YLPM1: variants seen among roughly 807,000 people sequenced by gnomAD.
YLPM1 encodes the protein YLP motif-containing protein 1.
In YLPM1, 99 loss-of-function variants were observed where a neutral mutation model predicts 230.0. The observed-to-expected ratio is 0.43, with a 90% confidence interval of 0.37 to 0.51. The LOEUF (loss-of-function observed/expected upper bound fraction) is 0.51, where lower values mean the gene tolerates loss of function less well. Ranked by LOEUF, YLPM1 falls within the 20% of genes least tolerant of loss-of-function variation. The pLI is 0.00. For missense variants in YLPM1, 2,592 were observed against 2,707.7 expected, an observed-to-expected ratio of 0.96 and a Z score of 0.95; for synonymous variants, 984 against 942.5, an observed-to-expected ratio of 1.04 and a Z score of -0.81.
In YLPM1 at chr14:74,829,269, G is replaced by A; in HGVS notation, c.6220G>A (p.Ala2074Thr). The change falls in exon 19 of 21, where the codon GCC becomes ACC. Residue 2074 changes from alanine (A) to threonine (T), a missense_variant. Physicochemically the swap from Ala to Thr is moderately conservative, Grantham distance 58. Coordinates refer to ENST00000325680, the MANE Select transcript of YLPM1 (RefSeq NM_019589.3). ...TKRKRDWEAI[A>T]SRMEDYLQLP... ...AAGGAAACGTGACTGGGAGGCCATT[G>A]CCAGCAGAATGGAGGATTATCTTCA... is the stretch of plus-strand genomic sequence containing the variant. The A allele has an allele frequency of 6.2e-7, 1 of 1,613,314 alleles. No individual in the cohort carries two copies. Among genetic ancestry groups the A allele is most frequent in the African/African-American group, 1.3e-5 (1 of 74,966 alleles).
At position 74,819,387 on chromosome 14, in the gene YLPM1, G is replaced by A. The variant is rs368891001; in HGVS notation, c.6030+1073G>A. ...CCTCCAGGGTTCAGGCGATTCTCCTGCCTCAGCCTCCTTATTAGCTGGAAC... is the reference window on the plus strand; with the variant it reads ...CCTCCAGGGTTCAGGCGATTCTCCTACCTCAGCCTCCTTATTAGCTGGAAC... On this transcript the variant is annotated intron_variant, in intron 16 of 20. Coordinates refer to ENST00000325680, the MANE Select transcript of YLPM1 (RefSeq NM_019589.3). Among the ~76,000 whole-genome samples, 10 of 149,926 alleles carry A rather than the reference G, an allele frequency of 6.7e-5. No homozygotes were observed. In the East Asian group the frequency reaches 9.9e-4, roughly 15 times the overall value.
At position 74,798,066 on chromosome 14, in the gene YLPM1, T is replaced by C; in HGVS notation, c.2769T>C (p.Asn923=). ...EVSEGPVEPS[N]WDQNVQSMET... is the part of the protein sequence containing the mutation. ...CGGAAGGGCCCGTAGAGCCCTCTAA[T>C]TGGGACCAGAATGTTCAAAGTATGG... Residue 923 remains asparagine, a synonymous_variant, in exon 5 of 21, where the codon AAT becomes AAC. Transcript: ENST00000325680. The C allele has an allele frequency of 6.2e-7, 1 of 1,613,842 alleles. No homozygotes were observed. The highest frequency in any genetic ancestry group is 1.3e-5 in the African/African-American group (1 of 74,972).
At position 74,778,441 on chromosome 14, in the gene YLPM1, T is replaced by G. The variant is rs1197285715; in HGVS notation, c.874-6T>G. 1 of 1,587,644 alleles carries G rather than the reference T, an allele frequency of 6.3e-7. No homozygotes were observed. Among genetic ancestry groups the G allele is most frequent in the Non-Finnish European group, 8.6e-7 (1 of 1,166,924 alleles). On this transcript the variant is annotated splice_region_variant and splice_polypyrimidine_tract_variant and intron_variant, in intron 1 of 20. Coordinates refer to ENST00000325680, the MANE Select transcript of YLPM1 (RefSeq NM_019589.3). ...TCAAAATTCTCAAAAATTGTTTCTG[T>G]TGTAGGAACAGCAGCAGTATTGGTA...
rs369218364 is a variant in YLPM1, at chr14:74,812,811, G to C, written c.5502+29G>C. On this transcript the variant is annotated intron_variant, in intron 11 of 20. Coordinates refer to ENST00000325680, the MANE Select transcript of YLPM1 (RefSeq NM_019589.3). ...AGTCCTATGAAGTTGATTCGTCTTC[G>C]TGCAAACCAGAAGATAAGAGATCTT... 47 of 1,600,060 alleles carry C rather than the reference G, an allele frequency of 2.9e-5. No homozygotes were observed. The South Asian group carries it at 5.2e-4, about 18-fold the overall frequency.
At position 74,764,134 on chromosome 14, in the gene YLPM1, A is replaced by G. The variant is rs12885527; in HGVS notation, c.645A>G (p.Gln215=). The G allele has an allele frequency of 0.076, 123,191 of 1,612,214 alleles. 5,585 individuals are homozygous for G. The highest frequency in any genetic ancestry group is 0.09 in the Non-Finnish European group (105,834 of 1,179,472). The change falls in exon 1 of 21, where the codon CAA becomes CAG. Residue 215 remains glutamine, a synonymous_variant. Transcript: ENST00000325680. ...ACTCATCCTCCTCCTCTTCCTCGCA[A>G]TCCTATTTGAGCCATTCCCAGTCCT... is the stretch of plus-strand genomic sequence containing the variant. The part of the protein sequence containing the change: ...PSYSSSSSSS[Q]SYLSHSQSYL...
At chr14:74,766,636 A>AT (rs34932979) in intron 1 of YLPM1, among the ~76,000 whole-genome samples, 43,067 of 110,312 alleles carry the variant, frequency 0.39, 9,455 homozygotes, top group East Asian at 0.56. Flanking sequence ...ATGCCTGGCT[A>AT]TTTTTTTTTT....
intron 4 of YLPM1, among the ~76,000 whole-genome samples, chr14:74,795,241 C>T (rs2091248493): frequency 6.6e-6 from 1 of 152,126 alleles, no homozygotes; most frequent in Admixed American, 6.5e-5. Context: ...TTTGGAACTT[C>T]AGAGTAAAGT....
In YLPM1 at chr14:74,810,266, C is replaced by G; in HGVS notation, c.5074C>G (p.Arg1692Gly). ...QRDRYDRERD[R>G]EPYFDRQSNV... ...TGATCGTTATGATAGAGAAAGAGAT[C>G]GTGAGCCTTATTTTGATCGTCAAAG... Residue 1692 changes from arginine (R) to glycine (G), a missense_variant, in exon 9 of 21, where the codon CGT (arginine) becomes GGT (glycine). Around this residue, in one of 4 missense-constraint regions of YLPM1, gnomAD observed 403 missense variants for 426.7 expected, o/e 0.94. Transcript: ENST00000325680. 1 of 1,613,638 alleles carries G rather than the reference C, an allele frequency of 6.2e-7. No individual in the cohort carries two copies. Among genetic ancestry groups the G allele is most frequent in the Non-Finnish European group, 8.5e-7 (1 of 1,179,824 alleles).
At chr14:74,821,029 T>C (rs2091516434) in intron 16 of YLPM1, 28 bp from the exon 17 acceptor site, 1 of 659,304 alleles carries the variant, frequency 1.5e-6, no homozygotes, top group Non-Finnish European at 2.1e-6. Flanking sequence ...AACTCAGTCT[T>C]TTTTTTTTTT....
At position 74,825,878 on chromosome 14, in the gene YLPM1, AG is replaced by A. The variant is rs903549269; in HGVS notation, c.6163+1574del. Among the ~76,000 whole-genome samples, 24 of 152,290 alleles carry A rather than the reference AG, an allele frequency of 1.6e-4. 1 individual carries two copies. The highest frequency in any genetic ancestry group is 1.6e-3 in the Admixed American group (24 of 15,282). On this transcript the variant is annotated intron_variant, in intron 18 of 20. Coordinates refer to ENST00000325680, the MANE Select transcript of YLPM1 (RefSeq NM_019589.3). ...TTTTCTTTCTGTTTTTAAAAGGAAA[AG>A]GGAATTTAGTTGTGATGATTATTCA...
rs754541654 is a variant in YLPM1 at position 74,763,510 on chromosome 14, G to C, written c.21G>C (p.Arg7=). The C allele has an allele frequency of 2.7e-6, 4 of 1,491,706 alleles. No homozygotes were observed. The African/African-American group carries it at 5.8e-5, about 22-fold the overall frequency. The allele number at this position is 1,491,706 out of a possible 1,614,324, so 92.4% of individuals were successfully genotyped here. Residue 7 remains arginine, a synonymous_variant, in exon 1 of 21, where the codon CGG becomes CGC. Coordinates refer to ENST00000325680, the MANE Select transcript of YLPM1 (RefSeq NM_019589.3). MYPNWG[R]YGGSSHYPPP... The stretch of plus-strand genomic sequence containing the variant: ...TCGATATGTACCCGAATTGGGGCCG[G>C]TATGGCGGGAGCAGCCACTATCCGC...
chr14:74,806,242 A>G (rs529986145), intron 6 of YLPM1, among the ~76,000 whole-genome samples: 1 of 152,042 alleles, frequency 6.6e-6, no homozygotes, highest in East Asian at 2.0e-4. Flanking sequence ...CTGTAATCCT[A>G]GTTACAGGTG....
chr14:74,784,916 A>G (rs1369241397), intron 4 of YLPM1, among the ~76,000 whole-genome samples: 1 of 152,232 alleles, frequency 6.6e-6, no homozygotes, highest in East Asian at 1.9e-4. Flanking sequence ...TTAGTTTGTT[A>G]GTCTCCTTCA....
intron 17 of YLPM1, chr14:74,821,378 A>G (rs1260950134): frequency 1.0e-5 from 4 of 398,942 alleles, no homozygotes; most frequent in Non-Finnish European, 1.7e-5. Flanking sequence ...CCTTGTACTC[A>G]TCTATTTGTG....
At chr14:74,782,534 T>C (rs1164490572) in intron 4 of YLPM1, among the ~76,000 whole-genome samples, 2 of 152,180 alleles carry the variant, frequency 1.3e-5, no homozygotes, top group African/African-American at 4.8e-5. Context: ...GTCCTATATG[T>C]AGAGATTATA....
In YLPM1 at chr14:74,799,567, C is replaced by T. The variant is rs745747703; in HGVS notation, c.4270C>T (p.His1424Tyr). ...SPMAEHMPSS[H>Y]HSSEMMGSDA... ...CATGGCGGAACATATGCCCTCCTCA[C>T]ATCATTCCTCAGAAATGATGGGGTC... Residue 1424 changes from histidine (H) to tyrosine (Y), a missense_variant, in exon 5 of 21, where the codon CAT becomes TAT. His to Tyr is a moderately conservative substitution (Grantham distance 83, BLOSUM62 2). Around this residue, in one of 4 missense-constraint regions of YLPM1, gnomAD observed 1,862 missense variants for 1,819.8 expected, o/e 1.02. Transcript: ENST00000325680. The T allele has an allele frequency of 2.5e-6, 4 of 1,613,980 alleles. No homozygotes were observed. The highest frequency in any genetic ancestry group is 1.7e-5 in the Admixed American group (1 of 60,016).
intron 3 of YLPM1, among the ~76,000 whole-genome samples, chr14:74,780,984 G>C (rs924132774): frequency 1.5e-4 from 23 of 152,160 alleles, no homozygotes; most frequent in African/African-American, 4.8e-4. Flanking sequence ...ACTTGTTTGT[G>C]TTGTATCTTT....
chr14:74,781,243 C>T (rs1035423678), intron 3 of YLPM1, 91 bp from the exon 4 acceptor site: 32 of 1,363,436 alleles, frequency 2.3e-5, no homozygotes, highest in Middle Eastern at 2.6e-4. Context: ...TTTCCTAAAG[C>T]GTCAAATGCC....
In YLPM1 at chr14:74,781,349, A is replaced by G. The variant is rs1286031530; in HGVS notation, c.1306A>G (p.Met436Val). 2 of 1,566,268 alleles carry G rather than the reference A, an allele frequency of 1.3e-6. No individual in the cohort carries two copies. Among genetic ancestry groups the G allele is most frequent in the African/African-American group, 1.4e-5 (1 of 73,768 alleles). The change falls in exon 4 of 21, where the codon ATG (methionine) becomes GTG (valine). Residue 436 changes from methionine (M) to valine (V), a missense_variant. By Grantham distance (21) the Met-to-Val change is conservative (BLOSUM62 1). Coordinates refer to ENST00000325680, the MANE Select transcript of YLPM1 (RefSeq NM_019589.3). ...TTATTTGTAGACCATGTCTGTAGAT[A>G]TGCAGCTGCGGCATTATGAGATGCA... Reference protein sequence around the residue: ...PPHIQTMSVDMQLRHYEMQQQ... With the variant: ...PPHIQTMSVDVQLRHYEMQQQ...
Sources: gnomAD v4.1 joint callset for allele counts (sites outside exome capture counted in the v4.1 genomes callset) on GRCh38, gnomAD v4.1.1 for gene constraint, gnomAD v4.1.1 regional missense constraint, MANE v1.5 for transcripts, NCBI Gene and HGNC (gene_info 2026-07-23, HGNC 2026-07-21) for gene names.